The following ZNF462 variants were observed in gnomAD, a reference collection of about 807,000 sequenced individuals.
The protein encoded by ZNF462 is zinc finger protein 462.
Under a neutral mutation model 201.9 loss-of-function variants are expected in ZNF462, and 10 were observed. That is an observed-to-expected ratio of 0.05 (90% CI 0.03 to 0.08). The LOEUF (loss-of-function observed/expected upper bound fraction) is 0.08. Among genes scored for constraint, ZNF462 ranks in the 10% least tolerant of loss-of-function variants. The pLI is 1.00. For synonymous variants in ZNF462, 1,227 were observed against 1,193.3 expected (o/e 1.03, Z -0.58); for missense variants, 2,523 against 3,168.3 (o/e 0.80, Z 4.89).
At chr9:107,002,318 C>T (rs1829245936) in intron 10 of ZNF462, among the ~76,000 whole-genome samples, 1 of 152,088 alleles carries the variant, frequency 6.6e-6, no homozygotes, top group Non-Finnish European at 1.5e-5. Flanking sequence ...CTTGTATGTC[C>T]CCTCCCCAGG....
chr9:106,931,064 C>T (rs1367972714), intron 4 of ZNF462: 1 of 179,752 alleles, frequency 5.6e-6, no homozygotes, highest in Non-Finnish European at 1.2e-5. Context: ...TCATCTTCTG[C>T]TCCTCTTTCT....
At position 106,993,413 on chromosome 9, in the gene ZNF462, A is replaced by G. The variant is rs1283961426; in HGVS notation, c.7056+9004A>G. On this transcript the variant is annotated intron_variant, in intron 10 of 12. Transcript: ENST00000277225. This position sits in a 1 kb window ranked among gnomAD's most constrained non-coding sequence, Gnocchi z 4.0. ...ATAACCATCAGAACCCTCATTTTAT[A>G]GGTGATAAACACAATCTTTCCTCCT... is the stretch of plus-strand genomic sequence containing the variant. Among the ~76,000 whole-genome samples, 2 of 152,148 alleles carry G rather than the reference A, an allele frequency of 1.3e-5. No homozygotes were observed. The highest frequency in any genetic ancestry group is 2.9e-5 in the Non-Finnish European group (2 of 68,008).
chr9:106,889,914 C>A (rs988235666), intron 1 of ZNF462, among the ~76,000 whole-genome samples: 3 of 152,204 alleles, frequency 2.0e-5, no homozygotes, highest in Admixed American at 6.5e-5. Flanking sequence ...GTTATCCATT[C>A]TTTCAGACAT....
chr9:106,896,010 T>C (rs1202877469), intron 1 of ZNF462, among the ~76,000 whole-genome samples: 1 of 152,228 alleles, frequency 6.6e-6, no homozygotes, highest in Non-Finnish European at 1.5e-5. Context: ...TCATGTCCTT[T>C]TCTTTCCCAA....
intron 7 of ZNF462, among the ~76,000 whole-genome samples, chr9:106,964,008 C>T (rs1831958567): frequency 6.8e-6 from 1 of 146,648 alleles, no homozygotes; most frequent in Non-Finnish European, 1.5e-5. Flanking sequence ...AAATAATATT[C>T]GTGTGTGTGT....
chr9:106,938,882 T>C lies in ZNF462; in HGVS notation c.6236-34T>C. 1 of 1,567,156 alleles carries C rather than the reference T, an allele frequency of 6.4e-7. No individual in the cohort carries two copies. The highest frequency in any genetic ancestry group is 2.3e-5 in the East Asian group (1 of 44,224). ...GCCTTATACCCTTCTCCCCTCTTTT[T>C]CCTGTTCTATTTCTTGTCACCATCC... is the stretch of plus-strand genomic sequence containing the variant. On this transcript the variant is annotated intron_variant, in intron 6 of 12. Coordinates refer to ENST00000277225, the MANE Select transcript of ZNF462 (RefSeq NM_021224.6). The surrounding 1 kb of genome is among the most constrained non-coding windows in gnomAD (Gnocchi z 4.4).
rs1829035131 is a variant in ZNF462 at position 106,900,833 on chromosome 9, G to A, written c.-30-22521G>A. 2.0e-5 allele frequency among the ~76,000 whole-genome samples: 3 copies of A among 152,016 alleles called. No individual in the cohort carries two copies. In the South Asian group the frequency reaches 6.2e-4, roughly 32 times the overall value. On this transcript the variant is annotated intron_variant, in intron 1 of 12. Transcript: ENST00000277225. ...TGGATGATTTTTCTCCTACTCTGTG[G>A]GTTGTCTGTTTACTTTGCTGACTCT...
intron 1 of ZNF462, among the ~76,000 whole-genome samples, chr9:106,879,329 T>TCCCCCC (rs1321110689): frequency 1.3e-5 from 1 of 74,512 alleles, no homozygotes; most frequent in Non-Finnish European, 2.7e-5. Flanking sequence ...AGAGATGCTT[T>TCCCCCC]CCACCCCCCC....
At chr9:106,877,189 T>TGTG (rs1020691222) in intron 1 of ZNF462, among the ~76,000 whole-genome samples, 2 of 151,476 alleles carry the variant, frequency 1.3e-5, no homozygotes, top group East Asian at 1.9e-4. Context: ...GTGGTGGTGG[T>TGTG]GTGGTGGTGG....
At position 106,927,875 on chromosome 9, in the gene ZNF462, T is replaced by G. The variant is rs1830264318; in HGVS notation, c.3963T>G (p.His1321Gln). The G allele has an allele frequency of 2.5e-6, 4 of 1,614,148 alleles. No individual in the cohort carries two copies. The highest frequency in any genetic ancestry group is 2.5e-6 in the Non-Finnish European group (3 of 1,180,032). Residue 1321 changes from histidine (H) to glutamine (Q), a missense_variant, in exon 3 of 13, where the codon CAT (histidine) becomes CAG (glutamine). Physicochemically the swap from His to Gln is conservative, Grantham distance 24 (BLOSUM62 0). Coordinates refer to ENST00000277225, the MANE Select transcript of ZNF462 (RefSeq NM_021224.6). Reference sequence around the variant, plus strand: ...ACTGCGAGTGGTGCATCTACTCCCATACGGAGCCCAACGGTTTGCTCCTGC... The same window carrying G: ...ACTGCGAGTGGTGCATCTACTCCCAGACGGAGCCCAACGGTTTGCTCCTGC... ...GYHCEWCIYS[H>Q]TEPNGLLLHY... is the part of the protein sequence containing the mutation.
intron 7 of ZNF462, among the ~76,000 whole-genome samples, chr9:106,967,514 A>C (rs1191064918): frequency 1.3e-5 from 2 of 152,112 alleles, no homozygotes; most frequent in East Asian, 3.9e-4. Flanking sequence ...AGCAAAAAAA[A>C]AAGTCCAATT....
intron 1 of ZNF462, among the ~76,000 whole-genome samples, chr9:106,864,109 T>TCTCTCC (rs1564062922): frequency 2.6e-5 from 3 of 115,382 alleles, no homozygotes; most frequent in East Asian, 2.6e-4. Context: ...TCTCTCTCTC[T>TCTCTCC]CCCTCTCCCC....
rs1051950870 is a variant in ZNF462 at position 106,913,440 on chromosome 9, G to T, written c.-30-9914G>T. Reference sequence around the variant, plus strand: ...AGCCAGACTTATGCCGGGCCCTGGGGATATAAGAATAAAAAAGAACGTATT... The same window carrying T: ...AGCCAGACTTATGCCGGGCCCTGGGTATATAAGAATAAAAAAGAACGTATT... On this transcript the variant is annotated intron_variant, in intron 1 of 12. Coordinates refer to ENST00000277225, the MANE Select transcript of ZNF462 (RefSeq NM_021224.6). The surrounding 1 kb of genome is among the most constrained non-coding windows in gnomAD (Gnocchi z 4.1). Among the ~76,000 whole-genome samples the T allele has an allele frequency of 2.0e-5, 3 of 152,102 alleles. No homozygotes were observed. The highest frequency in any genetic ancestry group is 4.4e-5 in the Non-Finnish European group (3 of 68,030).
chr9:107,011,032 C>A lies in ZNF462; in HGVS notation c.*2C>A, dbSNP rs148273848. 2.1e-5 allele frequency: 34 copies of A among 1,612,186 alleles called. No homozygotes were observed. The highest frequency in any genetic ancestry group is 2.7e-5 in the Non-Finnish European group (32 of 1,179,634). Reference sequence around the variant, plus strand: ...AATGCAGAGGCCAAAAAAGAATGAGCGTTTGGTGAAATTCTTAATCAAACC... The same window carrying A: ...AATGCAGAGGCCAAAAAAGAATGAGAGTTTGGTGAAATTCTTAATCAAACC... On this transcript the variant is annotated 3_prime_UTR_variant, in exon 13 of 13. Transcript: ENST00000277225. This position sits in a 1 kb window ranked among gnomAD's most constrained non-coding sequence, Gnocchi z 5.6.
chr9:106,927,524 G>A lies in ZNF462; in HGVS notation c.3612G>A (p.Thr1204=), dbSNP rs770266276. 13 of 1,613,648 alleles carry A rather than the reference G, an allele frequency of 8.1e-6. No homozygotes were observed. The highest frequency in any genetic ancestry group is 6.6e-5 in the South Asian group (6 of 91,032). Residue 1204 remains threonine, a synonymous_variant, in exon 3 of 13, where the codon ACG becomes ACA. Transcript: ENST00000277225. ...AGCACTGTGATTATGGGAACCGGAC[G>A]GTCAAAGGGGTACTCATTCATTATC... The part of the protein sequence containing the change: ...FCQHCDYGNR[T]VKGVLIHYQK...
At chr9:106,893,186 A>T (rs1828665397) in intron 1 of ZNF462, among the ~76,000 whole-genome samples, 1 of 152,238 alleles carries the variant, frequency 6.6e-6, no homozygotes, top group South Asian at 2.1e-4. Flanking sequence ...GTGCTCTCTG[A>T]GACCCACAGA....
chr9:106,991,184 C>T (rs1027113818), intron 10 of ZNF462, among the ~76,000 whole-genome samples: 1 of 151,996 alleles, frequency 6.6e-6, no homozygotes, highest in East Asian at 1.9e-4. Context: ...AAAAAAGCTA[C>T]TAGAACATGA....
rs773629680 is a variant in ZNF462, at chr9:106,925,027, A to G, written c.1115A>G (p.Asn372Ser). The change falls in exon 3 of 13, where the codon AAT becomes AGT. Residue 372 changes from asparagine to serine, a missense_variant. Transcript: ENST00000277225. This position sits in a 1 kb window ranked among gnomAD's most constrained non-coding sequence, Gnocchi z 7.9. ...RSRYGMTDMT[N>S]SSADLETNSM... ...CGTTATGGAATGACTGACATGACCA[A>G]TTCTTCTGCTGACCTGGAAACTAAC... 2.2e-5 allele frequency: 36 copies of G among 1,614,080 alleles called. 1 individual carries two copies. In the South Asian group the frequency reaches 3.0e-4, roughly 13 times the overall value.
chr9:106,993,749 A>G lies in ZNF462; in HGVS notation c.7056+9340A>G, dbSNP rs1030852137. ...AATACTGTTGAAAGATGAAGACAACATTTTTTCTTTTTTGAGTCAGGGTCT... is the reference window on the plus strand; with the variant it reads ...AATACTGTTGAAAGATGAAGACAACGTTTTTTCTTTTTTGAGTCAGGGTCT... On this transcript the variant is annotated intron_variant, in intron 10 of 12. Transcript: ENST00000277225. The surrounding 1 kb of genome is among the most constrained non-coding windows in gnomAD (Gnocchi z 4.0). Among the ~76,000 whole-genome samples, 12 of 151,542 alleles carry G rather than the reference A, an allele frequency of 7.9e-5. No homozygotes were observed. The highest frequency in any genetic ancestry group is 1.2e-4 in the Non-Finnish European group (8 of 67,912).
Sources: allele counts gnomAD v4.1 joint callset (sites outside exome capture counted in the v4.1 genomes callset), GRCh38; gene constraint gnomAD v4.1.1; non-coding constraint Gnocchi (gnomAD v3.1); transcripts MANE v1.5; gene names NCBI Gene and HGNC (gene_info 2026-07-23, HGNC 2026-07-21).